PATJ: variants seen among roughly 807,000 people sequenced by gnomAD.
The protein encoded by PATJ is inaD-like protein.
Under a neutral mutation model 224.9 loss-of-function variants are expected in PATJ, and 190 were observed. The observed-to-expected ratio is 0.84, with a 90% CI of 0.75 to 0.95. PATJ has a LOEUF of 0.95. Among genes scored for constraint, PATJ ranks in the 40% least tolerant of loss-of-function variants. PATJ has a pLI of 0.00. For synonymous variants in PATJ, 769 were observed against 820.3 expected (o/e 0.94, Z 1.07); for missense variants, 2,121 against 2,270.3 (o/e 0.93, Z 1.34).
chr1:61,935,008 C>T (rs547617089), intron 27 of PATJ, among the ~76,000 whole-genome samples: 1 of 152,280 alleles, frequency 6.6e-6, no homozygotes, highest in African/African-American at 2.4e-5. Flanking sequence ...AGCGTCTATC[C>T]CCAGAAATCC....
chr1:61,840,396 A>T (rs978071731), intron 17 of PATJ, among the ~76,000 whole-genome samples: 8 of 151,980 alleles, frequency 5.3e-5, no homozygotes, highest in African/African-American at 1.9e-4. Flanking sequence ...CTCTGACCAT[A>T]ATCCCTTACT....
chr1:62,048,924 A>T (rs998392295), intron 30 of PATJ, among the ~76,000 whole-genome samples: 3 of 152,084 alleles, frequency 2.0e-5, no homozygotes, highest in Non-Finnish European at 4.4e-5. Context: ...AATCTGAAAA[A>T]ATTTGAAGTC....
At chr1:61,758,622 C>T (rs1645785036) in intron 1 of PATJ, among the ~76,000 whole-genome samples, 2 of 152,306 alleles carry the variant, frequency 1.3e-5, no homozygotes, top group South Asian at 4.1e-4. Context: ...GCTGGGATTA[C>T]AGACATGAGC....
At chr1:61,948,141 A>C (rs1049589405) in intron 27 of PATJ, among the ~76,000 whole-genome samples, 9 of 152,352 alleles carry the variant, frequency 5.9e-5, no homozygotes, top group Admixed American at 1.3e-4. Context: ...ACCATTCAGG[A>C]CATAGGCATG....
At chr1:61,896,425 AC>A (rs1320914886) in intron 22 of PATJ, among the ~76,000 whole-genome samples, 2 of 151,980 alleles carry the variant, frequency 1.3e-5, no homozygotes, top group Non-Finnish European at 2.9e-5. Flanking sequence ...CAATGCCTGT[AC>A]CCCCATTGTA....
chr1:61,949,058 C>T (rs1324314567), intron 27 of PATJ, among the ~76,000 whole-genome samples: 1 of 103,128 alleles, frequency 9.7e-6, no homozygotes, highest in African/African-American at 3.9e-5. Context: ...ACACTGGGGT[C>T]TGTTGTGGGG....
intron 27 of PATJ, among the ~76,000 whole-genome samples, chr1:61,943,316 G>A (rs890026780): frequency 2.0e-5 from 3 of 152,216 alleles, no homozygotes; most frequent in East Asian, 1.9e-4. Context: ...CAGGAAGTGC[G>A]AGGGGTCAGG....
At chr1:62,066,650 C>T (rs1006573444) in intron 31 of PATJ, among the ~76,000 whole-genome samples, 4 of 152,166 alleles carry the variant, frequency 2.6e-5, no homozygotes, top group African/African-American at 7.2e-5. Flanking sequence ...GTATATTCCT[C>T]CTGCCAACTG....
intron 27 of PATJ, chr1:61,952,442 G>T (rs1418083669): frequency 1.4e-6 from 1 of 717,264 alleles, no homozygotes; most frequent in Admixed American, 2.0e-5. Flanking sequence ...GTGATCTGTG[G>T]TTCTTTCGGA....
intron 31 of PATJ, among the ~76,000 whole-genome samples, chr1:62,069,418 G>A (rs1055772599): frequency 6.6e-6 from 1 of 152,150 alleles, no homozygotes; most frequent in Non-Finnish European, 1.5e-5. Context: ...CAGGTCTGTT[G>A]TGTACACCAA....
intron 38 of PATJ, 86 bp downstream of exon 38, chr1:62,121,381 T>A: frequency 1.2e-6 from 1 of 808,772 alleles, no homozygotes; most frequent in Non-Finnish European, 2.0e-6. Context: ...CAGTCTTCTT[T>A]AATATAAATG....
intron 14 of PATJ, among the ~76,000 whole-genome samples, chr1:61,815,464 C>T (rs1029075709): frequency 6.6e-6 from 1 of 152,196 alleles, no homozygotes; most frequent in African/African-American, 2.4e-5. Flanking sequence ...TCTGTCTCAT[C>T]AGCTTTCTGA....
chr1:61,912,944 G>C (rs1287103363), intron 25 of PATJ, among the ~76,000 whole-genome samples: 1 of 152,120 alleles, frequency 6.6e-6, no homozygotes. Flanking sequence ...GTCTTAGGTT[G>C]TTATATGTAT....
chr1:61,855,835 T>C (rs956656866), intron 17 of PATJ, among the ~76,000 whole-genome samples, 195 bp from the exon 18 acceptor site: 1 of 152,198 alleles, frequency 6.6e-6, no homozygotes, highest in Non-Finnish European at 1.5e-5. Context: ...GCTGGAATTA[T>C]ACAGAGGTGT....
intron 6 of PATJ, among the ~76,000 whole-genome samples, chr1:61,774,050 G>A (rs138390229): frequency 0.011 from 1,601 of 148,288 alleles, 9 homozygotes; most frequent in Non-Finnish European, 0.017. Flanking sequence ...AACCTGGGAG[G>A]TGGAGCTTGC....
intron 22 of PATJ, among the ~76,000 whole-genome samples, chr1:61,893,170 T>G (rs935238290): frequency 1.3e-5 from 2 of 152,230 alleles, no homozygotes; most frequent in Non-Finnish European, 2.9e-5. Flanking sequence ...CTACTCACAC[T>G]ATCTAGATAA....
intron 29 of PATJ, among the ~76,000 whole-genome samples, chr1:62,028,504 T>C (rs1456231251): frequency 6.6e-6 from 1 of 152,008 alleles, no homozygotes; most frequent in Non-Finnish European, 1.5e-5. Flanking sequence ...ACAGGGTGAG[T>C]GTGGTGGCTC....
intron 29 of PATJ, among the ~76,000 whole-genome samples, chr1:62,023,187 G>A (rs1177342272): frequency 2.0e-5 from 3 of 152,040 alleles, no homozygotes; most frequent in African/African-American, 7.2e-5. Context: ...GTACTTGGGA[G>A]GCTGAGGCAG....
intron 30 of PATJ, among the ~76,000 whole-genome samples, chr1:62,040,928 G>A (rs1232692760): frequency 6.6e-6 from 1 of 152,206 alleles, no homozygotes; most frequent in Non-Finnish European, 1.5e-5. Context: ...AAAACAAACA[G>A]AAGTTTAATG....
Sources: gnomAD v4.1 joint callset for allele counts (sites outside exome capture counted in the v4.1 genomes callset) on GRCh38, gnomAD v4.1.1 for gene constraint, MANE v1.5 for transcripts, NCBI Gene and HGNC (gene_info 2026-07-23, HGNC 2026-07-21) for gene names.